Variants in CENPC observed in about 807,000 individuals in gnomAD.
CENPC encodes the protein CENP-C 1.
CENPC carries 63 observed loss-of-function variants against 112.1 expected under a neutral mutation model. That is an observed-to-expected ratio of 0.56 (90% CI 0.46 to 0.69). The LOEUF (loss-of-function observed/expected upper bound fraction) is 0.69, where lower values mean the gene tolerates loss of function less well. CENPC is among the 30% of genes least tolerant of loss of function. The pLI is 0.00. For synonymous variants in CENPC, 333 were observed against 367.6 expected, an observed-to-expected ratio of 0.91 and a Z score of 1.08; for missense variants, 1,000 against 1,103.8, an observed-to-expected ratio of 0.91 and a Z score of 1.33.
At position 67,489,219 on chromosome 4, in the gene CENPC, CACAT is replaced by C. The variant is rs1047252007; in HGVS notation, c.2670+744_2670+747del. ...ACATACACACACACACACACACACA[CACAT>C]ACACACATATAAAACAGACCAATGT... On this transcript the variant is annotated intron_variant, in intron 17 of 18. Transcript: ENST00000273853. Among the ~76,000 whole-genome samples, 183 of 151,308 alleles carry C rather than the reference CACAT, an allele frequency of 1.2e-3. 3 individuals are homozygous for C. The East Asian group carries it at 0.016, about 13-fold the overall frequency.
At chr4:67,527,887 A>G (rs973231360) in intron 5 of CENPC, among the ~76,000 whole-genome samples, 3 of 151,974 alleles carry the variant, frequency 2.0e-5, no homozygotes, top group African/African-American at 4.8e-5. Context: ...ATTTACCCCA[A>G]ACTACCCACA....
At chr4:67,522,779 C>T (rs1726263975) in intron 5 of CENPC, among the ~76,000 whole-genome samples, 1 of 151,998 alleles carries the variant, frequency 6.6e-6, no homozygotes, top group Admixed American at 6.6e-5. Context: ...GTGGGTGGAT[C>T]ACCTGAGGTC....
chr4:67,486,867 C>A (rs1725107049), intron 17 of CENPC, among the ~76,000 whole-genome samples: 1 of 151,980 alleles, frequency 6.6e-6, no homozygotes, highest in Non-Finnish European at 1.5e-5. Flanking sequence ...CTGACTACAT[C>A]CCCAGGTATC....
intron 5 of CENPC, among the ~76,000 whole-genome samples, chr4:67,520,799 G>T (rs1349437144): frequency 1.3e-5 from 2 of 152,112 alleles, no homozygotes; most frequent in Non-Finnish European, 2.9e-5. Flanking sequence ...ATCACTGGAG[G>T]CCAGGAGTTC....
At chr4:67,530,697 T>A in intron 5 of CENPC, 118 bp downstream of exon 5, 1 of 430,162 alleles carries the variant, frequency 2.3e-6, no homozygotes, top group Non-Finnish European at 4.1e-6. Context: ...CATTTCACAA[T>A]TCACAATTCT....
chr4:67,495,152 T>C lies in CENPC; in HGVS notation c.2185+7A>G. ...ATGAAAATATTAAAAAAGAAAAATA[T>C]TCTTACCTAGTTTGTGATGGATTCT... On this transcript the variant is annotated splice_region_variant and intron_variant, in intron 13 of 18. Transcript: ENST00000273853. 1 of 1,512,730 alleles carries C rather than the reference T, an allele frequency of 6.6e-7. No homozygotes were observed. Among genetic ancestry groups the C allele is most frequent in the Non-Finnish European group, 8.8e-7 (1 of 1,134,006 alleles). The allele number at this position is 1,512,730 out of a possible 1,614,324, so 93.7% of individuals were successfully genotyped here. A position where few individuals can be genotyped will look rare whatever the true frequency, so the allele number is the denominator to read the frequency against.
At chr4:67,478,886 A>G (rs2109761974) in intron 17 of CENPC, among the ~76,000 whole-genome samples, 1 of 152,330 alleles carries the variant, frequency 6.6e-6, no homozygotes, top group Admixed American at 6.5e-5. Flanking sequence ...AAGATATTCC[A>G]TGCAAATGGA....
chr4:67,480,755 A>T (rs1724934716), intron 17 of CENPC, among the ~76,000 whole-genome samples: 1 of 152,218 alleles, frequency 6.6e-6, no homozygotes. Context: ...TTGCTTTATG[A>T]TTAAAACCCT....
At chr4:67,483,765 C>T (rs1286059520) in intron 17 of CENPC, among the ~76,000 whole-genome samples, 3 of 149,964 alleles carry the variant, frequency 2.0e-5, no homozygotes, top group Non-Finnish European at 4.4e-5. Context: ...TACTTTTTAA[C>T]AAAAAAGTTT....
At chr4:67,504,105 A>AAG (rs1326349798) in intron 12 of CENPC, among the ~76,000 whole-genome samples, 2 of 151,146 alleles carry the variant, frequency 1.3e-5, no homozygotes, top group East Asian at 3.9e-4. Context: ...AAAAAAAAAA[A>AAG]AAAAAGAACG....
intron 13 of CENPC, 104 bp downstream of exon 13, chr4:67,495,055 C>T (rs550871346): frequency 1.8e-6 from 2 of 1,112,282 alleles, no homozygotes; most frequent in Admixed American, 3.6e-5. Flanking sequence ...AATTAATCCA[C>T]ATAATCGTAT....
chr4:67,520,479 G>A (rs751191280), intron 5 of CENPC, among the ~76,000 whole-genome samples: 64 of 152,154 alleles, frequency 4.2e-4, no homozygotes, highest in Non-Finnish European at 6.5e-4. Context: ...CAAGAACAGC[G>A]TAAGAGAGGC....
intron 7 of CENPC, among the ~76,000 whole-genome samples, chr4:67,517,693 AC>A (rs761612243): frequency 1.3e-5 from 2 of 151,800 alleles, no homozygotes; most frequent in Non-Finnish European, 2.9e-5. Flanking sequence ...CAAATATTAG[AC>A]AGGCGTGGTG....
In CENPC at chr4:67,544,178, G is replaced by C. The variant is rs779678435; in HGVS notation, c.36C>G (p.Gly12=). ...AAGGTCGACAAAATCTTCTTCTGTA[G>C]CCATTTTTGAGATGATCCTGAAAGA... is the stretch of plus-strand genomic sequence containing the variant. The part of the protein sequence containing the change: ...AASGLDHLKN[G]YRRRFCRPSR... The change falls in exon 2 of 19, where the codon GGC becomes GGG. Residue 12 remains glycine (G), a synonymous_variant. Transcript: ENST00000273853. 6.4e-7 allele frequency: 1 copy of C among 1,564,014 alleles called. No homozygotes were observed. Among genetic ancestry groups the C allele is most frequent in the Non-Finnish European group, 8.8e-7 (1 of 1,135,876 alleles).
At chr4:67,531,473 C>G (rs914026784) in intron 4 of CENPC, among the ~76,000 whole-genome samples, 2 of 152,202 alleles carry the variant, frequency 1.3e-5, no homozygotes, top group Admixed American at 1.3e-4. Flanking sequence ...TTAGAATGTT[C>G]CCTCCATTAC....
chr4:67,505,350 T>A, intron 11 of CENPC, 66 bp from the exon 12 acceptor site: 1 of 936,094 alleles, frequency 1.1e-6, no homozygotes, highest in Non-Finnish European at 1.6e-6. Context: ...GTATTTGCCT[T>A]AATGATCATT....
chr4:67,545,144 T>G lies in CENPC; in HGVS notation c.18+194A>C, dbSNP rs192037710. Among the ~76,000 whole-genome samples, 3 of 152,092 alleles carry G rather than the reference T, an allele frequency of 2.0e-5. No homozygotes were observed. The East Asian group carries it at 5.8e-4, about 29-fold the overall frequency. On this transcript the variant is annotated intron_variant, in intron 1 of 18. Transcript: ENST00000273853. The stretch of plus-strand genomic sequence containing the variant: ...AATGACGACATGAAAACTTAAGAAA[T>G]AATAAAAGTACAGTAAATTAACTCT...
At chr4:67,534,467 T>G (rs1726657153) in intron 4 of CENPC, among the ~76,000 whole-genome samples, 1 of 152,118 alleles carries the variant, frequency 6.6e-6, no homozygotes. Context: ...GATTATTTAC[T>G]CTCTTGAGTT....
intron 11 of CENPC, 80 bp from the exon 12 acceptor site, chr4:67,505,364 C>A (rs879459334): frequency 2.5e-6 from 2 of 800,148 alleles, no homozygotes; most frequent in Non-Finnish European, 4.0e-6. Flanking sequence ...GATCATTTTT[C>A]TCCTAAAACT....
Sources: allele counts gnomAD v4.1 joint callset (sites outside exome capture counted in the v4.1 genomes callset), GRCh38; gene constraint gnomAD v4.1.1; transcripts MANE v1.5; gene names NCBI Gene and HGNC (gene_info 2026-07-23, HGNC 2026-07-21).